The following CLCN6 variants were observed in gnomAD, a reference collection of about 807,000 sequenced individuals.
CLCN6 encodes Cl-/H+ antiporter 6.
In CLCN6, 70 loss-of-function variants were observed where a neutral mutation model predicts 109.8. The ratio of observed to expected loss-of-function variants is 0.64; its 90% CI spans 0.53 to 0.78. The LOEUF (loss-of-function observed/expected upper bound fraction) is 0.78. CLCN6 is among the 30% of genes least tolerant of loss of function. The probability of loss-of-function intolerance (pLI) is 0.00; values close to 1 mark genes in which losing one functional copy is unlikely to be tolerated. For synonymous variants in CLCN6, 444 were observed against 447.8 expected, an observed-to-expected ratio of 0.99 and a Z score of 0.11; for missense variants, 984 against 1,142.3, an observed-to-expected ratio of 0.86 and a Z score of 2.00.
At chr1:11,838,844 G>A (rs1277250341) in intron 22 of CLCN6, 184 bp downstream of exon 22, 1 of 853,702 alleles carries the variant, frequency 1.2e-6, no homozygotes, top group East Asian at 2.6e-5. Context: ...CTGCCTGCCA[G>A]CAGATGGCAC....
chr1:11,833,229 G>A (rs777675015), intron 13 of CLCN6, among the ~76,000 whole-genome samples: 1 of 152,066 alleles, frequency 6.6e-6, no homozygotes, highest in Non-Finnish European at 1.5e-5. Context: ...AGTTAGCACC[G>A]GGAGAGGAAG....
In CLCN6 at chr1:11,806,339, C is replaced by A. The variant is rs761207554; in HGVS notation, c.77C>A (p.Pro26His). ...TGCGGTGAGCGTGAGACCCGCACCC[C>A]CGAGGAGCTGGTAAGAAGCCGGCGG... ...CCCGERETRTPEELTILGETQ... is the reference protein window; with the variant it reads ...CCCGERETRTHEELTILGETQ... The change falls in exon 1 of 23, where the codon CCC becomes CAC. Residue 26 changes from proline to histidine, a missense_variant. By Grantham distance (77) the Pro-to-His change is moderately conservative (BLOSUM62 -2). Transcript: ENST00000346436. The A allele has an allele frequency of 1.3e-6, 2 of 1,516,850 alleles. No homozygotes were observed. The highest frequency in any genetic ancestry group is 2.7e-5 in the East Asian group (1 of 36,800). The allele number at this position is 1,516,850 out of a possible 1,614,324, so 94.0% of individuals were successfully genotyped here.
chr1:11,810,798 G>T (rs1644588925), intron 2 of CLCN6, among the ~76,000 whole-genome samples: 1 of 152,156 alleles, frequency 6.6e-6, no homozygotes, highest in African/African-American at 2.4e-5. Flanking sequence ...TGGCACAGTG[G>T]CTCACGCCTA....
At chr1:11,809,492 G>A (rs112513913) in intron 2 of CLCN6, among the ~76,000 whole-genome samples, 3,699 of 152,168 alleles carry the variant, frequency 0.024, 65 homozygotes, top group Non-Finnish European at 0.038. Context: ...TCACTCTGTC[G>A]CCCAGGCTGG....
In CLCN6 at chr1:11,831,868, TCTCA is replaced by T. The variant is rs535793608; in HGVS notation, c.1249-1644_1249-1641del. Among the ~76,000 whole-genome samples, 387 of 152,272 alleles carry T rather than the reference TCTCA, an allele frequency of 2.5e-3. 3 individuals are homozygous for T. Among genetic ancestry groups the T allele is most frequent in the African/African-American group, 8.4e-3 (350 of 41,556 alleles). On this transcript the variant is annotated intron_variant, in intron 13 of 22. Coordinates refer to ENST00000346436, the MANE Select transcript of CLCN6 (RefSeq NM_001286.5). ...CCAGCTTATTTTTATAGAGACAGGA[TCTCA>T]CTATGTTGCCCAGGCTGGTCTCGAA... is the stretch of plus-strand genomic sequence containing the variant.
chr1:11,824,686 T>C, intron 8 of CLCN6, 133 bp downstream of exon 8: 1 of 569,818 alleles, frequency 1.8e-6, no homozygotes, highest in East Asian at 3.2e-5. Flanking sequence ...GTGTAAACCA[T>C]GTGTCTATCT....
At chr1:11,819,062 T>C (rs2100620898) in intron 4 of CLCN6, among the ~76,000 whole-genome samples, 1 of 152,330 alleles carries the variant, frequency 6.6e-6, no homozygotes, top group African/African-American at 2.4e-5. Flanking sequence ...TTAAAAACAT[T>C]TATGAGATTT....
chr1:11,828,766 C>G (rs1557428123), intron 12 of CLCN6, 142 bp downstream of exon 12: 3 of 930,724 alleles, frequency 3.2e-6, no homozygotes, highest in East Asian at 5.1e-5. Context: ...CACGGCCATG[C>G]ATCTTCCCTA....
chr1:11,806,660 A>G lies in CLCN6; in HGVS notation c.87+311A>G. 1.2e-5 allele frequency: 5 copies of G among 408,174 alleles called. No individual in the cohort carries two copies. The South Asian group carries it at 2.4e-4, about 20-fold the overall frequency. 25.3% of individuals were successfully genotyped at this position (408,174 alleles called of 1,614,324 possible). A position where few individuals can be genotyped will look rare whatever the true frequency, so the allele number is the denominator to read the frequency against. On this transcript the variant is annotated intron_variant, in intron 1 of 22. Transcript: ENST00000346436. ...GCGTTTTCAGAATGAGCTTCCTCAC[A>G]GGACTTTGTGCTTATCATGCTGCTG...
At chr1:11,832,128 T>C (rs1357900210) in intron 13 of CLCN6, among the ~76,000 whole-genome samples, 1 of 152,204 alleles carries the variant, frequency 6.6e-6, no homozygotes, top group Non-Finnish European at 1.5e-5. Flanking sequence ...TGTGCCCCCA[T>C]TTTACAGCTA....
rs1223945101 is a variant in CLCN6 at position 11,840,547 on chromosome 1, C to T, written c.*324C>T. On this transcript the variant is annotated 3_prime_UTR_variant, in exon 23 of 23. Coordinates refer to ENST00000346436, the MANE Select transcript of CLCN6 (RefSeq NM_001286.5). ...GTAGAATCAGGCGGGCCCCGGGCTGCACTCCGAGCAGTGTTCCTGGCCATC... is the reference window on the plus strand; with the variant it reads ...GTAGAATCAGGCGGGCCCCGGGCTGTACTCCGAGCAGTGTTCCTGGCCATC... 4.6e-6 allele frequency: 2 copies of T among 438,174 alleles called. No homozygotes were observed. Among genetic ancestry groups the T allele is most frequent in the Non-Finnish European group, 8.5e-6 (2 of 235,028 alleles). The allele number at this position is 438,174 out of a possible 1,614,324, so 27.1% of individuals were successfully genotyped here.
At chr1:11,825,780 G>A (rs1487359273) in intron 8 of CLCN6, among the ~76,000 whole-genome samples, 2 of 152,098 alleles carry the variant, frequency 1.3e-5, no homozygotes, top group East Asian at 1.9e-4. Context: ...ATGTCACCAC[G>A]CCTGGCTAAA....
At chr1:11,807,705 G>A (rs1390800640) in intron 2 of CLCN6, among the ~76,000 whole-genome samples, 5 of 152,278 alleles carry the variant, frequency 3.3e-5, no homozygotes, top group Non-Finnish European at 7.4e-5. Flanking sequence ...AACAACATGC[G>A]TGACTTTTTA....
At chr1:11,815,992 A>G (rs2100615204) in intron 3 of CLCN6, 81 bp downstream of exon 3, 1 of 1,037,526 alleles carries the variant, frequency 9.6e-7, no homozygotes, top group Non-Finnish European at 1.5e-6. Flanking sequence ...GGCCCCAGTA[A>G]ACATCTTTAC....
chr1:11,820,985 A>G (rs961276525), intron 5 of CLCN6, among the ~76,000 whole-genome samples: 1 of 151,670 alleles, frequency 6.6e-6, no homozygotes, highest in Non-Finnish European at 1.5e-5. Flanking sequence ...CTGAGGTGGG[A>G]GAATCGCTTG....
chr1:11,830,764 TACAC>T (rs1165865674), intron 13 of CLCN6, among the ~76,000 whole-genome samples: 1 of 115,612 alleles, frequency 8.6e-6, no homozygotes, highest in South Asian at 2.7e-4. Flanking sequence ...TATATATATA[TACAC>T]ACACACACTA....
intron 2 of CLCN6, among the ~76,000 whole-genome samples, chr1:11,815,427 G>A (rs1406429842): frequency 2.0e-5 from 3 of 152,070 alleles, no homozygotes; most frequent in East Asian, 1.9e-4. Flanking sequence ...ACGGAGTCTC[G>A]CTGTGTCACC....
chr1:11,829,436 A>G lies in CLCN6; in HGVS notation c.1248+114A>G, dbSNP rs1644853459. 4 of 1,244,200 alleles carry G rather than the reference A, an allele frequency of 3.2e-6. No homozygotes were observed. In the Admixed American group the frequency reaches 5.6e-5, roughly 17 times the overall value. 77.1% of individuals were successfully genotyped at this position (1,244,200 alleles called of 1,614,324 possible). A position where few individuals can be genotyped will look rare whatever the true frequency, so the allele number is the denominator to read the frequency against. On this transcript the variant is annotated intron_variant, in intron 13 of 22. Transcript: ENST00000346436. ...ATGTTGGGTTCATCCTTCCACACCC[A>G]TTACCTGAGCGTTGAGAGATATGGG...
chr1:11,819,420 C>A, intron 4 of CLCN6, 68 bp from the exon 5 acceptor site: 2 of 1,423,340 alleles, frequency 1.4e-6, no homozygotes, highest in Non-Finnish European at 2.0e-6. Flanking sequence ...TCAAGAGGAG[C>A]ACACCTGTAC....
Sources: gnomAD v4.1 joint callset for allele counts (sites outside exome capture counted in the v4.1 genomes callset) on GRCh38, gnomAD v4.1.1 for gene constraint, MANE v1.5 for transcripts, NCBI Gene and HGNC (gene_info 2026-07-23, HGNC 2026-07-21) for gene names.